The following HIGD1C variants were observed in gnomAD, a reference collection of about 807,000 sequenced individuals.
HIGD1C encodes the protein HIG1 domain family member 1C.
A neutral mutation model predicts 13.1 loss-of-function variants in HIGD1C; 11 were observed. The ratio of observed to expected loss-of-function variants is 0.84; its 90% CI spans 0.53 to 1.39. The LOEUF (loss-of-function observed/expected upper bound fraction) is 1.39, where lower values mean the gene tolerates loss of function less well. HIGD1C is among the 40% of genes most tolerant of loss of function. The pLI is 0.00. For missense variants in HIGD1C, 110 were observed against 112.0 expected (o/e 0.98, Z 0.08); for synonymous variants, 36 against 37.7 (o/e 0.95, Z 0.17).
intron 1 of HIGD1C, among the ~76,000 whole-genome samples, chr12:50,958,020 G>A (rs1033753781): frequency 1.1e-4 from 17 of 148,402 alleles, no homozygotes; most frequent in Non-Finnish European, 2.1e-4. Flanking sequence ...TGGCCAGGCT[G>A]GTCCCGAACT....
At chr12:50,944,435 C>T in the HIGD1C span, among the ~76,000 whole-genome samples, 1 of 152,178 alleles carries the variant, frequency 6.6e-6, no homozygotes, top group South Asian at 2.1e-4. Flanking sequence ...GAGGGCAAAT[C>T]ACTTGAGGTT....
upstream of HIGD1C, among the ~76,000 whole-genome samples, chr12:50,951,964 C>A (rs1240730324): frequency 1.4e-5 from 2 of 142,232 alleles, no homozygotes; most frequent in African/African-American, 5.2e-5. Context: ...TCAAGACAGA[C>A]AAAGATGATT....
At chr12:50,941,101 A>C in the HIGD1C span, among the ~76,000 whole-genome samples, 2 of 152,076 alleles carry the variant, frequency 1.3e-5, no homozygotes, top group Non-Finnish European at 2.9e-5. Flanking sequence ...CTGGCCCTCA[A>C]GCAATCCTCC....
At chr12:50,962,878 G>A (rs1041780273) in intron 2 of HIGD1C, among the ~76,000 whole-genome samples, 1 of 152,088 alleles carries the variant, frequency 6.6e-6, no homozygotes, top group African/African-American at 2.4e-5. Context: ...AAAAAACAAA[G>A]GCACAGAAGC....
the HIGD1C span, among the ~76,000 whole-genome samples, chr12:50,941,031 A>AT: frequency 4.6e-5 from 7 of 151,666 alleles, no homozygotes; most frequent in Admixed American, 6.6e-5. Flanking sequence ...TTTTATTTTT[A>AT]TTTTTTTACA....
chr12:50,957,289 C>T (rs900072165), intron 1 of HIGD1C, among the ~76,000 whole-genome samples: 1 of 151,736 alleles, frequency 6.6e-6, no homozygotes, highest in Non-Finnish European at 1.5e-5. Context: ...TGGCTCACTA[C>T]AACCTCCACC....
chr12:50,955,733 ATAATT>A (rs1939068945), intron 1 of HIGD1C, among the ~76,000 whole-genome samples: 1 of 152,230 alleles, frequency 6.6e-6, no homozygotes, highest in Non-Finnish European at 1.5e-5. Context: ...ATGGAAGCAA[ATAATT>A]TAATAGTGAT....
chr12:50,936,958 C>T, the HIGD1C span, among the ~76,000 whole-genome samples: 3 of 152,322 alleles, frequency 2.0e-5, no homozygotes, highest in Non-Finnish European at 4.4e-5. Context: ...CTGGCTATTT[C>T]AAGAAACTTC....
At chr12:50,942,704 C>T in the HIGD1C span, among the ~76,000 whole-genome samples, 9 of 151,896 alleles carry the variant, frequency 5.9e-5, no homozygotes, top group African/African-American at 1.9e-4. Context: ...CTCATCTCTA[C>T]AAATAAAAAA....
At chr12:50,971,913 C>T (rs1159749732), downstream of HIGD1C, among the ~76,000 whole-genome samples, 1 of 152,190 alleles carries the variant, frequency 6.6e-6, no homozygotes, top group African/African-American at 2.4e-5. Flanking sequence ...ATACATTTTT[C>T]CCCATTGGGA....
At chr12:50,945,167 C>G in the HIGD1C span, among the ~76,000 whole-genome samples, 54 of 152,242 alleles carry the variant, frequency 3.5e-4, no homozygotes, top group African/African-American at 1.3e-3. Flanking sequence ...CCTTTGAAAA[C>G]TGGCACAAGA....
chr12:50,966,743 CCATTT>C (rs1939554793), intron 2 of HIGD1C, among the ~76,000 whole-genome samples: 1 of 152,176 alleles, frequency 6.6e-6, no homozygotes, highest in Non-Finnish European at 1.5e-5. Context: ...GTTCAAAGAC[CCATTT>C]CATTTATGTC....
intron 2 of HIGD1C, among the ~76,000 whole-genome samples, chr12:50,961,528 C>A (rs2139808873): frequency 6.6e-6 from 1 of 152,280 alleles, no homozygotes; most frequent in African/African-American, 2.4e-5. Flanking sequence ...TTAGAGTCCA[C>A]AAATCTCATC....
intron 1 of HIGD1C, 112 bp from the exon 4 acceptor site, chr12:50,960,856 T>C: frequency 1.1e-6 from 1 of 890,760 alleles, no homozygotes; most frequent in Non-Finnish European, 1.6e-6. Flanking sequence ...CTAATTTTTT[T>C]TTTTTTAGAG....
chr12:50,950,762 C>T (rs1379597066), upstream of HIGD1C, among the ~76,000 whole-genome samples: 5 of 150,128 alleles, frequency 3.3e-5, no homozygotes, highest in Non-Finnish European at 5.9e-5. Context: ...GTGCAACCTC[C>T]GCCTCCCAGA....
intron 2 of HIGD1C, among the ~76,000 whole-genome samples, chr12:50,967,693 A>C (rs568236897): frequency 6.6e-6 from 1 of 152,360 alleles, no homozygotes; most frequent in Non-Finnish European, 1.5e-5. Flanking sequence ...TCAGAGAACC[A>C]ATTCCGGATA....
chr12:50,937,694 G>T, the HIGD1C span, among the ~76,000 whole-genome samples: 6 of 152,184 alleles, frequency 3.9e-5, no homozygotes, highest in African/African-American at 1.2e-4. Context: ...AGGCAGAAGA[G>T]AGCTTCACTG....
chr12:50,958,646 C>T (rs1025542274), intron 1 of HIGD1C, among the ~76,000 whole-genome samples: 1 of 152,012 alleles, frequency 6.6e-6, no homozygotes, highest in Non-Finnish European at 1.5e-5. Context: ...TTAAGGCTTA[C>T]TATATTGCTA....
upstream of HIGD1C, among the ~76,000 whole-genome samples, chr12:50,952,698 C>T (rs1261864688): frequency 1.3e-5 from 2 of 152,200 alleles, no homozygotes; most frequent in Admixed American, 6.5e-5. Flanking sequence ...GGCGCACCTG[C>T]GATGGCCTTA....
Sources: allele counts gnomAD v4.1 joint callset (sites outside exome capture counted in the v4.1 genomes callset), GRCh38; gene constraint gnomAD v4.1.1; transcripts MANE v1.5; gene names NCBI Gene and HGNC (gene_info 2026-07-23, HGNC 2026-07-21).